Variants in ASB1 observed in about 807,000 individuals in gnomAD.
The protein encoded by ASB1 is ankyrin repeat and SOCS box containing 1, also known as ankyrin repeat and SOCS box protein 1.
Under a neutral mutation model 27.7 loss-of-function variants are expected in ASB1, and 18 were observed. That is an observed-to-expected ratio of 0.65 (90% CI 0.45 to 0.96). The LOEUF (loss-of-function observed/expected upper bound fraction) is 0.96. Ranked by LOEUF, ASB1 falls within the 50% of genes least tolerant of loss-of-function variation. The pLI, the probability that ASB1 is intolerant of heterozygous loss-of-function variation, is 0.00. For missense variants in ASB1, 397 were observed against 451.7 expected (o/e 0.88, Z 1.10); for synonymous variants, 189 against 187.6 (o/e 1.01, Z -0.06).
intron 1 of ASB1, among the ~76,000 whole-genome samples, chr2:238,429,155 A>C (rs1701819477): frequency 6.6e-6 from 1 of 152,144 alleles, no homozygotes; most frequent in Admixed American, 6.5e-5. Context: ...AGTCTCATGT[A>C]CAGTAGTACT....
At chr2:238,428,269 A>T (rs1701799982) in intron 1 of ASB1, among the ~76,000 whole-genome samples, 1 of 152,190 alleles carries the variant, frequency 6.6e-6, no homozygotes. Context: ...TGGGGAATAA[A>T]CACTGGCTTT....
intron 1 of ASB1, 109 bp downstream of exon 1, chr2:238,427,228 C>G (rs1264959682): frequency 1.1e-6 from 1 of 875,748 alleles, no homozygotes. Context: ...GCCGGGTCCA[C>G]GGGGCAGCCA....
chr2:238,437,119 T>C (rs10166907), intron 3 of ASB1, among the ~76,000 whole-genome samples: 21,143 of 152,126 alleles, frequency 0.14, 2,725 homozygotes, highest in African/African-American at 0.34. Context: ...ATAGCTGATG[T>C]TGGGGTCTGT....
intron 1 of ASB1, among the ~76,000 whole-genome samples, chr2:238,430,293 G>A (rs190241650): frequency 6.6e-6 from 1 of 152,308 alleles, no homozygotes; most frequent in East Asian, 1.9e-4. Flanking sequence ...AGTGTATGTG[G>A]CCTTCTAAAT....
intron 2 of ASB1, 53 bp downstream of exon 2, chr2:238,433,748 G>A (rs1055672785): frequency 8.1e-6 from 13 of 1,597,200 alleles, no homozygotes; most frequent in South Asian, 5.5e-5. Context: ...GAAGGTCTGT[G>A]TGAAGCTGAG....
intron 3 of ASB1, among the ~76,000 whole-genome samples, chr2:238,442,429 C>T (rs1702095742): frequency 6.6e-6 from 1 of 152,132 alleles, no homozygotes; most frequent in Admixed American, 6.5e-5. Flanking sequence ...TCTAATTTTT[C>T]TGTAGGGCTA....
intron 1 of ASB1, among the ~76,000 whole-genome samples, chr2:238,428,523 T>C (rs1369077412): frequency 1.3e-5 from 2 of 152,216 alleles, no homozygotes; most frequent in Non-Finnish European, 2.9e-5. Context: ...TAGCGAACTC[T>C]AGACCTCAGG....
rs1362856701 is a variant in ASB1, at chr2:238,435,976, C to T, written c.457C>T (p.Arg153Cys). ...CAGCACCCCTGTCTACCACGCCTCTCGCGTGGGCCGGGCAGACATCCTGAA... is the reference window on the plus strand; with the variant it reads ...CAGCACCCCTGTCTACCACGCCTCTTGCGTGGGCCGGGCAGACATCCTGAA... ...HRSTPVYHAS[R>C]VGRADILKAL... The change falls in exon 3 of 5, where the codon CGC becomes TGC. Residue 153 changes from arginine (R) to cysteine (C), a missense_variant. Physicochemically the swap from Arg to Cys is radical, Grantham distance 180. Coordinates refer to ENST00000264607, the MANE Select transcript of ASB1 (RefSeq NM_001040445.3). 6.2e-6 allele frequency: 10 copies of T among 1,613,708 alleles called. No individual in the cohort carries two copies. Among genetic ancestry groups the T allele is most frequent in the East Asian group, 2.2e-5 (1 of 44,880 alleles).
chr2:238,431,855 A>G (rs187450895), intron 1 of ASB1, among the ~76,000 whole-genome samples: 6 of 152,360 alleles, frequency 3.9e-5, no homozygotes, highest in African/African-American at 7.2e-5. Context: ...AACAATTACA[A>G]TAGTAACATC....
At chr2:238,436,386 G>A (rs1701971569) in intron 3 of ASB1, among the ~76,000 whole-genome samples, 1 of 152,136 alleles carries the variant, frequency 6.6e-6, no homozygotes, top group East Asian at 1.9e-4. Context: ...TGTTCTTAGA[G>A]TTATGGAAGA....
In ASB1 at chr2:238,449,786, AG is replaced by A. The variant is rs1702248303; in HGVS notation, c.*3277del. 6.6e-6 allele frequency: 1 copy of A among 152,248 alleles called. No individual in the cohort carries two copies. The highest frequency in any genetic ancestry group is 2.4e-5 in the African/African-American group (1 of 41,468). The allele number at this position is 152,248 out of a possible 1,614,324, so 9.4% of individuals were successfully genotyped here. On this transcript the variant is annotated 3_prime_UTR_variant, in exon 5 of 5. Transcript: ENST00000264607. ...TGTTAAACAGGTAATTTTAAAGAGAAGGAACAATTGTTTTTAGTAAGTTTTC... is the reference window on the plus strand; with the variant it reads ...TGTTAAACAGGTAATTTTAAAGAGAAGAACAATTGTTTTTAGTAAGTTTTC...
intron 3 of ASB1, among the ~76,000 whole-genome samples, chr2:238,444,139 G>A (rs1702130428): frequency 6.6e-6 from 1 of 152,188 alleles, no homozygotes; most frequent in South Asian, 2.1e-4. Flanking sequence ...ATTTTTCTGT[G>A]TGCGGGGATT....
intron 3 of ASB1, among the ~76,000 whole-genome samples, chr2:238,440,644 C>A (rs866292224): frequency 7.9e-4 from 121 of 152,350 alleles, no homozygotes; most frequent in African/African-American, 2.8e-3. Context: ...CCCTCATTGA[C>A]TGATCCCTGT....
chr2:238,442,381 G>A (rs1378767990), intron 3 of ASB1, among the ~76,000 whole-genome samples: 1 of 151,940 alleles, frequency 6.6e-6, no homozygotes, highest in Non-Finnish European at 1.5e-5. Flanking sequence ...TAAAGTGCTG[G>A]GATTACAGGC....
chr2:238,430,118 A>G (rs1411208542), intron 1 of ASB1, among the ~76,000 whole-genome samples: 3 of 152,152 alleles, frequency 2.0e-5, no homozygotes, highest in East Asian at 1.9e-4. Context: ...ATCGGGGGCT[A>G]TGGTAATTCT....
intron 3 of ASB1, among the ~76,000 whole-genome samples, chr2:238,439,906 G>A (rs938778189): frequency 1.2e-4 from 18 of 152,082 alleles, no homozygotes; most frequent in African/African-American, 3.6e-4. Context: ...CCATGTATAT[G>A]TCCTGTTCAT....
At chr2:238,444,797 CA>C in intron 4 of ASB1, 70 bp downstream of exon 4, 2 of 1,484,706 alleles carry the variant, frequency 1.3e-6, no homozygotes, top group Non-Finnish European at 1.8e-6. Flanking sequence ...TAGCAATAAA[CA>C]AAAAACAAAA....
intron 3 of ASB1, among the ~76,000 whole-genome samples, chr2:238,436,774 CT>C (rs66960467): frequency 2.9e-4 from 42 of 147,022 alleles, no homozygotes; most frequent in South Asian, 6.4e-4. Context: ...CTCTCTCTCT[CT>C]TTTTTTTTTT....
intron 2 of ASB1, 64 bp from the exon 3 acceptor site, chr2:238,435,647 G>A (rs1701952917): frequency 3.3e-6 from 5 of 1,503,540 alleles, no homozygotes; most frequent in Admixed American, 3.8e-5. Context: ...GGGTGAGGGG[G>A]GCAGTGCAGC....
Sources: allele counts gnomAD v4.1 joint callset (sites outside exome capture counted in the v4.1 genomes callset), GRCh38; gene constraint gnomAD v4.1.1; transcripts MANE v1.5; gene names NCBI Gene and HGNC (gene_info 2026-07-23, HGNC 2026-07-21).